Variants in MTMR1 observed in about 807,000 individuals in gnomAD.
The protein encoded by MTMR1 is phosphatidylinositol-3-phosphate phosphatase MTMR1.
In MTMR1, 17 loss-of-function variants were observed where a neutral mutation model predicts 51.6. The ratio of observed to expected loss-of-function variants is 0.33; its 90% CI spans 0.23 to 0.49. The LOEUF (loss-of-function observed/expected upper bound fraction) is 0.49, where lower values mean the gene tolerates loss of function less well. MTMR1 is among the 20% of genes least tolerant of loss of function. The pLI, the probability that MTMR1 is intolerant of heterozygous loss-of-function variation, is 0.99. For synonymous variants in MTMR1, 201 were observed against 205.6 expected, an observed-to-expected ratio of 0.98 and a Z score of 0.19; for missense variants, 386 against 526.9, an observed-to-expected ratio of 0.73 and a Z score of 2.62.
At chrX:150,710,232 C>T (rs986801432) in intron 2 of MTMR1, among the ~76,000 whole-genome samples, 4 of 112,029 alleles carry the variant, frequency 3.6e-5, no homozygotes, top group South Asian at 3.7e-4. Context: ...AATCCAGAGC[C>T]GGACTTCCAG....
intron 3 of MTMR1, 143 bp downstream of exon 3, chrX:150,712,508 C>T (rs2041348629): frequency 1.8e-6 from 1 of 545,439 alleles, no homozygotes; most frequent in East Asian, 3.8e-5. Context: ...TGTGTTATAG[C>T]TTTCAGTGTT....
chrX:150,753,722 C>G (rs1259219387), intron 14 of MTMR1, among the ~76,000 whole-genome samples: 3 of 111,774 alleles, frequency 2.7e-5, no homozygotes, highest in Non-Finnish European at 5.6e-5. Context: ...ATATTCAAGT[C>G]CCTTATAAGA....
In MTMR1 at chrX:150,737,394, A is replaced by T. The variant is rs1364615458; in HGVS notation, c.1419A>T (p.Gly473=). Residue 473 remains glycine (G), a synonymous_variant, in exon 12 of 16, where the codon GGA becomes GGT. Coordinates refer to ENST00000445323, the MANE Select transcript of MTMR1 (RefSeq NM_001306144.3). ...ACAGTTACTACAGGACCATTAAAGG[A>T]TTTGAAACTCTCGTAGAAAAGGAGT... ...MLDSYYRTIK[G]FETLVEKEWI... is the part of the protein sequence containing the mutation. 8.3e-7 allele frequency: 1 copy of T among 1,210,053 alleles called. No individual in the cohort carries two copies. The highest frequency in any genetic ancestry group is 1.1e-6 in the Non-Finnish European group (1 of 895,263).
At chrX:150,744,263 G>T in intron 12 of MTMR1, 98 bp from the exon 13 acceptor site, 1 of 597,631 alleles carries the variant, frequency 1.7e-6, no homozygotes, top group Non-Finnish European at 2.7e-6. Context: ...ATTCTATTAG[G>T]CCTGATGAGA....
At position 150,736,592 on chromosome X, in the gene MTMR1, T is replaced by C. The variant is rs782176408; in HGVS notation, c.1081-3T>C. 1.7e-6 allele frequency: 2 copies of C among 1,200,703 alleles called. No homozygotes were observed. The highest frequency in any genetic ancestry group is 1.1e-6 in the Non-Finnish European group (1 of 889,605). On this transcript the variant is annotated splice_polypyrimidine_tract_variant and splice_region_variant and intron_variant, in intron 10 of 15. Coordinates refer to ENST00000445323, the MANE Select transcript of MTMR1 (RefSeq NM_001306144.3). ...TGTGATGTATTTGTTTTGTTTTTCG[T>C]AGACAAAGGGTGGAGGATATGAAAG... is the stretch of plus-strand genomic sequence containing the variant.
intron 4 of MTMR1, among the ~76,000 whole-genome samples, chrX:150,720,316 T>C (rs1410839696): frequency 8.9e-6 from 1 of 111,921 alleles, no homozygotes; most frequent in Admixed American, 9.5e-5. Flanking sequence ...AATCCCTACT[T>C]CCTCTGCCTT....
intron 1 of MTMR1, among the ~76,000 whole-genome samples, chrX:150,695,814 T>C (rs986223732): frequency 1.8e-5 from 2 of 111,191 alleles, no homozygotes; most frequent in African/African-American, 6.6e-5. Context: ...CAGGTGGAGT[T>C]CACAGAAGAA....
At chrX:150,706,453 A>G (rs1328364898) in intron 2 of MTMR1, among the ~76,000 whole-genome samples, 1 of 111,895 alleles carries the variant, frequency 8.9e-6, no homozygotes, top group Admixed American at 9.5e-5. Context: ...GAGTTTTTTA[A>G]TATGTTCTGG....
Position 150,732,619 on chromosome X carries a change from G to A in MTMR1, c.969G>A (p.Lys323=), listed in dbSNP as rs782631715. The A allele has an allele frequency of 7.4e-6, 9 of 1,209,849 alleles. No individual in the cohort carries two copies. The African/African-American group carries it at 1.4e-4, about 19-fold the overall frequency. ...AGCCACTTGTGGGTCCCAATGATAAGCGCTGCAAAGAGGATGAAAAATACT... is the reference window on the plus strand; with the variant it reads ...AGCCACTTGTGGGTCCCAATGATAAACGCTGCAAAGAGGATGAAAAATACT... ...CSQPLVGPND[K]RCKEDEKYLQ... The change falls in exon 10 of 16, where the codon AAG becomes AAA. Residue 323 remains lysine, a synonymous_variant. Coordinates refer to ENST00000445323, the MANE Select transcript of MTMR1 (RefSeq NM_001306144.3).
intron 1 of MTMR1, among the ~76,000 whole-genome samples, chrX:150,695,991 A>G (rs1557415722): frequency 8.9e-6 from 1 of 111,858 alleles, no homozygotes. Flanking sequence ...GGGGCCGGAT[A>G]ACTGGCTGTG....
At chrX:150,718,588 T>G in intron 3 of MTMR1, 37 bp from the exon 4 acceptor site, 1 of 137,187 alleles carries the variant, frequency 7.3e-6, no homozygotes, top group Non-Finnish European at 9.3e-6. Flanking sequence ...GGTGTCCTTT[T>G]TTTTTTTTTT....
chrX:150,707,381 T>A (rs2041147095), intron 2 of MTMR1, among the ~76,000 whole-genome samples: 1 of 112,076 alleles, frequency 8.9e-6, no homozygotes, highest in Admixed American at 9.4e-5. Flanking sequence ...TATTTGAAAC[T>A]CGACAGTAAA....
At chrX:150,702,202 G>A (rs1203099499) in intron 2 of MTMR1, among the ~76,000 whole-genome samples, 1 of 108,575 alleles carries the variant, frequency 9.2e-6, no homozygotes, top group Non-Finnish European at 1.9e-5. Flanking sequence ...GATTAGAGGT[G>A]TGAGCCACCA....
Position 150,762,711 on chromosome X carries a change from C to G in MTMR1, c.2004C>G (p.Ser668=), listed in dbSNP as rs782506940. Residue 668 remains serine, a synonymous_variant, in exon 16 of 16, where the codon TCC becomes TCG. Coordinates refer to ENST00000445323, the MANE Select transcript of MTMR1 (RefSeq NM_001306144.3). The part of the protein sequence containing the change: ...RGSSPSHSAT[S]VHTSV The stretch of plus-strand genomic sequence containing the variant: ...CCTCGCCCTCCCACTCCGCCACCTC[C>G]GTCCACACCTCGGTCTGATGGGCGA... 1 of 1,172,453 alleles carries G rather than the reference C, an allele frequency of 8.5e-7. No homozygotes were observed. The highest frequency in any genetic ancestry group is 1.1e-6 in the Non-Finnish European group (1 of 874,875).
intron 2 of MTMR1, among the ~76,000 whole-genome samples, chrX:150,710,529 G>A (rs1056169403): frequency 2.7e-5 from 3 of 110,673 alleles, no homozygotes; most frequent in Admixed American, 1.9e-4. Context: ...CCCGGCTAAT[G>A]TTTTGTATTT....
In MTMR1 at chrX:150,727,270, A is replaced by G. The variant is rs2041969612; in HGVS notation, c.408A>G (p.Thr136=). The change falls in exon 5 of 16, where the codon ACA becomes ACG. Residue 136 remains threonine, a synonymous_variant. Coordinates refer to ENST00000445323, the MANE Select transcript of MTMR1 (RefSeq NM_001306144.3). The part of the protein sequence containing the change: ...PFMGAVSGTL[T]VTDFKLYFKN... Reference sequence around the variant, plus strand: ...TGGGAGCAGTGAGTGGAACCCTGACAGTGACGGACTTTAAGCTGTACTTCA... The same window carrying G: ...TGGGAGCAGTGAGTGGAACCCTGACGGTGACGGACTTTAAGCTGTACTTCA... 1 of 1,210,055 alleles carries G rather than the reference A, an allele frequency of 8.3e-7. No individual in the cohort carries two copies. The highest frequency in any genetic ancestry group is 1.1e-6 in the Non-Finnish European group (1 of 894,092).
chrX:150,745,430 T>G (rs1484818030), intron 13 of MTMR1, among the ~76,000 whole-genome samples: 1 of 111,879 alleles, frequency 8.9e-6, no homozygotes, highest in Non-Finnish European at 1.9e-5. Flanking sequence ...ATAGCCCTGC[T>G]GCTCTTGATT....
At chrX:150,731,415 TCAAAG>T in intron 8 of MTMR1, 50 bp from the exon 9 acceptor site, 1 of 1,029,050 alleles carries the variant, frequency 9.7e-7, no homozygotes. Flanking sequence ...TAGTACTTTT[TCAAAG>T]TGTAAAGTCA....
chrX:150,731,662 G>A lies in MTMR1; in HGVS notation c.891+43G>A, dbSNP rs781968434. 7 of 1,077,542 alleles carry A rather than the reference G, an allele frequency of 6.5e-6. No homozygotes were observed. The Admixed American group carries it at 8.4e-5, about 13-fold the overall frequency. 88.8% of individuals were successfully genotyped at this position (1,077,542 alleles called of 1,213,427 possible). A position where few individuals can be genotyped will look rare whatever the true frequency, so the allele number is the denominator to read the frequency against. On this transcript the variant is annotated intron_variant, in intron 9 of 15. Coordinates refer to ENST00000445323, the MANE Select transcript of MTMR1 (RefSeq NM_001306144.3). Reference sequence around the variant, plus strand: ...TCATTTATATAGGAATATATATTGCGTTAGATCTAATATGGAGAGATTTAA... The same window carrying A: ...TCATTTATATAGGAATATATATTGCATTAGATCTAATATGGAGAGATTTAA...
Sources: allele counts gnomAD v4.1 joint callset (sites outside exome capture counted in the v4.1 genomes callset), GRCh38; gene constraint gnomAD v4.1.1; transcripts MANE v1.5; gene names NCBI Gene and HGNC (gene_info 2026-07-23, HGNC 2026-07-21).